Variants in GDPD4 observed in about 807,000 individuals in gnomAD.
The protein encoded by GDPD4 is glycerophosphodiester phosphodiesterase domain containing 4, also known as glycerophosphodiester phosphodiesterase 6.
GDPD4 carries 60 observed loss-of-function variants against 67.8 expected under a neutral mutation model. The observed-to-expected ratio is 0.88, with a 90% CI of 0.72 to 1.10. The LOEUF is 1.10. Ranked by LOEUF, GDPD4 falls within the 50% of genes least tolerant of loss-of-function variation. GDPD4 has a pLI of 0.00. For synonymous variants in GDPD4, 212 were observed against 210.9 expected (o/e 1.00, Z -0.04); for missense variants, 623 against 613.9 (o/e 1.01, Z -0.16).
Position 77,259,567 on chromosome 11 carries a change from CAA to C in GDPD4, c.708-1027_708-1026del, listed in dbSNP as rs58042628. On this transcript the variant is annotated intron_variant, in intron 10 of 16. Transcript: ENST00000315938. ...ATATTACTACAATCTCTGAGAAAAGCAAAAAAAAAAAAAATGACATAAGCAAT... is the reference window on the plus strand; with the variant it reads ...ATATTACTACAATCTCTGAGAAAAGCAAAAAAAAAAAATGACATAAGCAAT... Among the ~76,000 whole-genome samples, 612 of 143,878 alleles carry C rather than the reference CAA, an allele frequency of 4.3e-3. 8 individuals carry two copies. Among genetic ancestry groups the C allele is most frequent in the African/African-American group, 0.014 (555 of 39,426 alleles). The allele number at this position is 143,878 out of a possible 152,430, so 94.4% of individuals were successfully genotyped here.
chr11:77,246,242 G>C (rs1350281421), intron 11 of GDPD4, among the ~76,000 whole-genome samples: 1 of 152,182 alleles, frequency 6.6e-6, no homozygotes, highest in Non-Finnish European at 1.5e-5. Flanking sequence ...AGCTATGATT[G>C]TGCCATTGCA....
At chr11:77,285,016 G>T in intron 3 of GDPD4, 69 bp downstream of exon 3, 1 of 1,097,334 alleles carries the variant, frequency 9.1e-7, no homozygotes, top group South Asian at 1.3e-5. Flanking sequence ...TTCAGCCTGA[G>T]GTAGAATCCA....
chr11:77,279,465 G>T, intron 3 of GDPD4, 66 bp from the exon 4 acceptor site: 1 of 960,540 alleles, frequency 1.0e-6, no homozygotes, highest in African/African-American at 1.6e-5. Flanking sequence ...GTCAAGGATG[G>T]GGACAAAACC....
intron 13 of GDPD4, among the ~76,000 whole-genome samples, chr11:77,241,638 T>TAA (rs36036994): frequency 0.69 from 42,205 of 60,784 alleles, 15,844 homozygotes; most frequent in Middle Eastern, 0.83. Context: ...ACCCTGTCTT[T>TAA]AAAAAAAAAA....
At chr11:77,281,419 G>A (rs796166439) in intron 3 of GDPD4, among the ~76,000 whole-genome samples, 2 of 152,094 alleles carry the variant, frequency 1.3e-5, no homozygotes, top group East Asian at 1.9e-4. Flanking sequence ...CACACAGAGG[G>A]GAAAAGAGAG....
intron 1 of GDPD4, among the ~76,000 whole-genome samples, chr11:77,296,800 C>T (rs1410009917): frequency 1.3e-5 from 2 of 151,504 alleles, no homozygotes; most frequent in African/African-American, 4.8e-5. Context: ...TGGCTCATGC[C>T]TGTAGTCCTA....
intron 4 of GDPD4, among the ~76,000 whole-genome samples, chr11:77,277,896 C>T (rs1158731343): frequency 2.0e-5 from 3 of 151,908 alleles, no homozygotes; most frequent in African/African-American, 7.3e-5. Flanking sequence ...TCCCTCTACA[C>T]ACTGCTTTAA....
chr11:77,266,489 C>T (rs959396636), intron 10 of GDPD4, among the ~76,000 whole-genome samples: 1 of 152,146 alleles, frequency 6.6e-6, no homozygotes, highest in East Asian at 1.9e-4. Context: ...TACTACACTA[C>T]ACTTTTTATT....
chr11:77,268,366 G>T, intron 10 of GDPD4, 91 bp downstream of exon 10: 2 of 821,894 alleles, frequency 2.4e-6, no homozygotes. Flanking sequence ...CCCAGGGCTT[G>T]CTGTCTCTAC....
At chr11:77,297,844 G>A (rs922108869) in intron 1 of GDPD4, among the ~76,000 whole-genome samples, 11 of 152,228 alleles carry the variant, frequency 7.2e-5, no homozygotes, top group Middle Eastern at 6.8e-3. Context: ...TAGGTTATGC[G>A]TCAAGGGCAA....
chr11:77,290,799 G>A (rs1448372411), intron 1 of GDPD4, among the ~76,000 whole-genome samples: 4 of 152,066 alleles, frequency 2.6e-5, no homozygotes, highest in Non-Finnish European at 5.9e-5. Context: ...CTAATAATTA[G>A]GGAAATGCAA....
rs1393628949 is a variant in GDPD4 at position 77,227,926 on chromosome 11, A to C, written c.1473-10T>G. ...TTCAGTCTCTCTCCGCCTAGAAGGA[A>C]GCAGACCATCCATGAAATGAAGGGG... is the stretch of plus-strand genomic sequence containing the variant. On this transcript the variant is annotated splice_polypyrimidine_tract_variant and intron_variant, in intron 15 of 16. Coordinates refer to ENST00000315938, the MANE Select transcript of GDPD4 (RefSeq NM_182833.3). The C allele has an allele frequency of 6.2e-7, 1 of 1,604,788 alleles. No individual in the cohort carries two copies. Among genetic ancestry groups the C allele is most frequent in the Non-Finnish European group, 8.5e-7 (1 of 1,171,628 alleles).
intron 8 of GDPD4, 50 bp downstream of exon 8, chr11:77,269,833 G>A: frequency 1.0e-6 from 1 of 992,104 alleles, no homozygotes; most frequent in Non-Finnish European, 1.6e-6. Flanking sequence ...ACATTTTCAA[G>A]TTACCACCTT....
intron 13 of GDPD4, among the ~76,000 whole-genome samples, chr11:77,235,233 T>C (rs1431417091): frequency 3.9e-5 from 6 of 152,062 alleles, no homozygotes; most frequent in South Asian, 2.1e-4. Flanking sequence ...TATGTGTTCA[T>C]GGATTGGAAA....
At chr11:77,287,718 A>T (rs555598188) in intron 1 of GDPD4, among the ~76,000 whole-genome samples, 6 of 152,336 alleles carry the variant, frequency 3.9e-5, no homozygotes, top group South Asian at 2.1e-4. Context: ...GAATCAAATT[A>T]GATAATATAT....
intron 16 of GDPD4, chr11:77,224,210 A>T (rs758567226): frequency 3.3e-5 from 5 of 152,106 alleles, no homozygotes; most frequent in African/African-American, 4.8e-5. Context: ...CCACTGTCCA[A>T]CCAGTCCCAG....
intron 11 of GDPD4, among the ~76,000 whole-genome samples, chr11:77,249,453 T>A (rs1958848411): frequency 6.6e-6 from 1 of 152,082 alleles, no homozygotes; most frequent in African/African-American, 2.4e-5. Flanking sequence ...TGGTTCCACA[T>A]GTAAGGAGCT....
intron 1 of GDPD4, among the ~76,000 whole-genome samples, chr11:77,289,574 A>C (rs928672735): frequency 6.6e-6 from 1 of 151,482 alleles, no homozygotes; most frequent in South Asian, 2.1e-4. Context: ...TACTAAAAAT[A>C]TAAAAAATTA....
At chr11:77,292,876 A>AACTACTG (rs1045746641) in intron 1 of GDPD4, among the ~76,000 whole-genome samples, 1 of 152,156 alleles carries the variant, frequency 6.6e-6, no homozygotes, top group African/African-American at 2.4e-5. Flanking sequence ...GAAAGACAAA[A>AACTACTG]ACTACTGAAG....
Sources: allele counts gnomAD v4.1 joint callset (sites outside exome capture counted in the v4.1 genomes callset), GRCh38; gene constraint gnomAD v4.1.1; transcripts MANE v1.5; gene names NCBI Gene and HGNC (gene_info 2026-07-23, HGNC 2026-07-21).